The following KCNMA1 variants were observed in gnomAD, a reference collection of about 807,000 sequenced individuals.
KCNMA1 encodes Calcium-activated potassium channel subunit alpha-1.
In KCNMA1, 29 loss-of-function variants were observed where a neutral mutation model predicts 140.0. The observed-to-expected ratio is 0.21, with a 90% CI of 0.15 to 0.28. The LOEUF (loss-of-function observed/expected upper bound fraction) is 0.28, where lower values mean the gene tolerates loss of function less well. Ranked by LOEUF, KCNMA1 falls within the 10% of genes least tolerant of loss-of-function variation. The pLI, the probability that KCNMA1 is intolerant of heterozygous loss-of-function variation, is 1.00. For synonymous variants in KCNMA1, 612 were observed against 611.9 expected, an observed-to-expected ratio of 1.00 and a Z score of 0.00; for missense variants, 880 against 1,602.2, an observed-to-expected ratio of 0.55 and a Z score of 7.70.
At chr10:77,401,113 CT>C (rs2096249351) in intron 2 of KCNMA1, among the ~76,000 whole-genome samples, 1 of 151,964 alleles carries the variant, frequency 6.6e-6, no homozygotes, top group Non-Finnish European at 1.5e-5. Flanking sequence ...ACAACACCCC[CT>C]GCCTCAAAAT....
At chr10:77,616,806 A>G (rs1458276143) in intron 1 of KCNMA1, among the ~76,000 whole-genome samples, 5 of 141,300 alleles carry the variant, frequency 3.5e-5, no homozygotes, top group Admixed American at 7.2e-5. Context: ...GCTCCATCTC[A>G]AAAAAAAAAA....
At chr10:76,882,086 G>C (rs1327390908), downstream of KCNMA1, among the ~76,000 whole-genome samples, 1 of 152,168 alleles carries the variant, frequency 6.6e-6, no homozygotes, top group South Asian at 2.1e-4. Context: ...GCTCTTGCAG[G>C]GAAGGGCCCC....
chr10:77,264,405 T>C (rs2062856408), intron 2 of KCNMA1, among the ~76,000 whole-genome samples: 1 of 152,186 alleles, frequency 6.6e-6, no homozygotes, highest in Non-Finnish European at 1.5e-5. Flanking sequence ...AGCCTCACAC[T>C]TTTGCAAACA....
intron 3 of KCNMA1, among the ~76,000 whole-genome samples, chr10:77,206,816 A>AGGGGGGGGGGGGGGGGGG (rs202180223): frequency 4.2e-5 from 2 of 47,726 alleles, no homozygotes; most frequent in African/African-American, 9.8e-5. Context: ...GCAGGGAGGG[A>AGGGGGGGGGGGGGGGGGG]GGGGGGGGCG....
At chr10:76,957,322 C>T (rs2068794863) in intron 20 of KCNMA1, among the ~76,000 whole-genome samples, 1 of 151,890 alleles carries the variant, frequency 6.6e-6, no homozygotes, top group Non-Finnish European at 1.5e-5. Flanking sequence ...ACCACCTAAC[C>T]TAAGGTACAG....
chr10:77,059,034 G>T (rs967870243), intron 14 of KCNMA1, among the ~76,000 whole-genome samples: 3 of 151,800 alleles, frequency 2.0e-5, no homozygotes, highest in Non-Finnish European at 4.4e-5. Flanking sequence ...GGTTATCACT[G>T]CCCACATTAA....
At chr10:77,473,067 G>T (rs1184835924) in intron 1 of KCNMA1, among the ~76,000 whole-genome samples, 1 of 152,210 alleles carries the variant, frequency 6.6e-6, no homozygotes, top group Non-Finnish European at 1.5e-5. Context: ...CTCATGGCCT[G>T]GTGCTGCCCT....
intron 5 of KCNMA1, among the ~76,000 whole-genome samples, chr10:77,156,227 T>TAA (rs58950492): frequency 7.5e-5 from 9 of 120,616 alleles, no homozygotes; most frequent in South Asian, 2.6e-4. Flanking sequence ...GACTCCATCT[T>TAA]AAAAAAAAAA....
At chr10:77,067,057 G>A (rs771148060) in intron 14 of KCNMA1, among the ~76,000 whole-genome samples, 1 of 152,054 alleles carries the variant, frequency 6.6e-6, no homozygotes, top group African/African-American at 2.4e-5. Flanking sequence ...AACTTGACTG[G>A]GTCACAGTGT....
At chr10:77,122,969 G>C (rs1258524403) in intron 5 of KCNMA1, among the ~76,000 whole-genome samples, 1 of 151,712 alleles carries the variant, frequency 6.6e-6, no homozygotes, top group Non-Finnish European at 1.5e-5. Context: ...ACGAGGTCAG[G>C]AGATCGAGAC....
chr10:77,495,265 C>T (rs536316436), intron 1 of KCNMA1, among the ~76,000 whole-genome samples: 289 of 152,334 alleles, frequency 1.9e-3, no homozygotes, highest in African/African-American at 6.0e-3. Context: ...CCAGCCCCCA[C>T]GTTACCCCAG....
chr10:77,396,470 G>C (rs1603464375), intron 2 of KCNMA1, among the ~76,000 whole-genome samples: 2 of 152,168 alleles, frequency 1.3e-5, no homozygotes, highest in African/African-American at 4.8e-5. Flanking sequence ...TGATATATTT[G>C]ATTATGTGTG....
chr10:77,141,182 T>C (rs2574803), intron 5 of KCNMA1, among the ~76,000 whole-genome samples: 58,780 of 151,984 alleles, frequency 0.39, 12,673 homozygotes, highest in East Asian at 0.87. Context: ...CAGAGGAAGA[T>C]GGGAGGAGAC....
rs1331822362 is a variant in KCNMA1, at chr10:76,885,782, A to G, written c.*1484T>C. The G allele has an allele frequency of 6.1e-6, 6 of 985,108 alleles. No individual in the cohort carries two copies. Among genetic ancestry groups the G allele is most frequent in the African/African-American group, 3.5e-5 (2 of 57,230 alleles). The allele number at this position is 985,108 out of a possible 1,614,324, so 61.0% of individuals were successfully genotyped here. A position where few individuals can be genotyped will look rare whatever the true frequency, so the allele number is the denominator to read the frequency against. ...TGCATGCACAAAGCATCTGACAACT[A>G]TATGTTGAAAAAAGGGTATTTTTCT... On this transcript the variant is annotated 3_prime_UTR_variant, in exon 28 of 28. Transcript: ENST00000286628.
chr10:76,923,578 A>T (rs1243929056), intron 23 of KCNMA1, among the ~76,000 whole-genome samples: 2 of 152,202 alleles, frequency 1.3e-5, no homozygotes, highest in African/African-American at 4.8e-5. Context: ...TTGGAGAGAA[A>T]CCTAATATTC....
At chr10:77,111,771 A>G (rs556435078) in intron 7 of KCNMA1, among the ~76,000 whole-genome samples, 1 of 152,188 alleles carries the variant, frequency 6.6e-6, no homozygotes, top group Non-Finnish European at 1.5e-5. Context: ...GTAACAGTCT[A>G]TGTTTGCATG....
At chr10:77,008,077 C>T in intron 18 of KCNMA1, 1 of 1,158,674 alleles carries the variant, frequency 8.6e-7, no homozygotes, top group Admixed American at 2.1e-5. Flanking sequence ...ACATAAATAC[C>T]AAAAGTAAAA....
intron 3 of KCNMA1, among the ~76,000 whole-genome samples, chr10:77,190,304 T>C (rs1016371498): frequency 5.9e-5 from 9 of 152,220 alleles, no homozygotes; most frequent in African/African-American, 1.9e-4. Flanking sequence ...AAAATTTACA[T>C]ATGCTATTGC....
chr10:77,016,177 T>G (rs987157375), intron 17 of KCNMA1, among the ~76,000 whole-genome samples: 3 of 152,132 alleles, frequency 2.0e-5, no homozygotes, highest in Non-Finnish European at 4.4e-5. Flanking sequence ...AGCCCATCTC[T>G]TCTTCCTATC....
Sources: gnomAD v4.1 joint callset for allele counts (sites outside exome capture counted in the v4.1 genomes callset) on GRCh38, gnomAD v4.1.1 for gene constraint, MANE v1.5 for transcripts, NCBI Gene and HGNC (gene_info 2026-07-23, HGNC 2026-07-21) for gene names.